The following KPNA4 variants were observed in gnomAD, a reference collection of about 807,000 sequenced individuals.
KPNA4 encodes karyopherin subunit alpha 4, also known as importin subunit alpha-3.
KPNA4 carries 13 observed loss-of-function variants against 71.3 expected under a neutral mutation model. The observed-to-expected ratio is 0.18, with a 90% CI of 0.12 to 0.29. The LOEUF (loss-of-function observed/expected upper bound fraction) is 0.29, where lower values mean the gene tolerates loss of function less well. Among genes scored for constraint, KPNA4 ranks in the 10% least tolerant of loss-of-function variants. The pLI is 1.00. For synonymous variants in KPNA4, 189 were observed against 195.2 expected (o/e 0.97, Z 0.26); for missense variants, 334 against 603.2 (o/e 0.55, Z 4.67).
At chr3:160,523,432 A>AT (rs1372868775) in intron 10 of KPNA4, among the ~76,000 whole-genome samples, 1 of 152,246 alleles carries the variant, frequency 6.6e-6, no homozygotes. Flanking sequence ...AAAAAATAAG[A>AT]TAAAAAAAAC....
chr3:160,525,546 A>G (rs1433600637), intron 10 of KPNA4, among the ~76,000 whole-genome samples: 1 of 152,138 alleles, frequency 6.6e-6, no homozygotes, highest in African/African-American at 2.4e-5. Flanking sequence ...CATACATACA[A>G]TATTGTCCAC....
intron 5 of KPNA4, among the ~76,000 whole-genome samples, chr3:160,533,695 G>A (rs1193528170): frequency 6.6e-6 from 1 of 152,110 alleles, no homozygotes; most frequent in African/African-American, 2.4e-5. Flanking sequence ...TTTACTCACA[G>A]TTGCTTTGCA....
At chr3:160,559,994 G>C (rs1324010592) in intron 1 of KPNA4, among the ~76,000 whole-genome samples, 1 of 152,024 alleles carries the variant, frequency 6.6e-6, no homozygotes, top group Non-Finnish European at 1.5e-5. Context: ...GAAAAGCACA[G>C]AAAACAAACT....
chr3:160,548,039 T>C (rs938495146), intron 1 of KPNA4, among the ~76,000 whole-genome samples: 2 of 152,174 alleles, frequency 1.3e-5, no homozygotes, highest in African/African-American at 4.8e-5. Flanking sequence ...TTGAACTCAT[T>C]TGGTTAATTA....
chr3:160,539,087 T>C (rs1721745456), intron 1 of KPNA4, among the ~76,000 whole-genome samples: 1 of 152,196 alleles, frequency 6.6e-6, no homozygotes, highest in South Asian at 2.1e-4. Flanking sequence ...GCTCTTCCCC[T>C]ACTACCTGCA....
Position 160,541,375 on chromosome 3 carries a change from G to A in KPNA4, c.70-4535C>T, listed in dbSNP as rs540538086. Among the ~76,000 whole-genome samples, 2 of 151,850 alleles carry A rather than the reference G, an allele frequency of 1.3e-5. 1 individual carries two copies. The highest frequency in any genetic ancestry group is 4.2e-4 in the South Asian group (2 of 4,808). On this transcript the variant is annotated intron_variant, in intron 1 of 16. Coordinates refer to ENST00000334256, the MANE Select transcript of KPNA4 (RefSeq NM_002268.5). ...ATAATACAAAGATAAGAAATACAAT[G>A]TCTTCATTTTATTTCACCCAGCCTG...
At chr3:160,556,080 G>A (rs967019532) in intron 1 of KPNA4, among the ~76,000 whole-genome samples, 5 of 152,174 alleles carry the variant, frequency 3.3e-5, no homozygotes, top group African/African-American at 4.8e-5. Context: ...GATCCGGCCC[G>A]CCTTGGCCTC....
At chr3:160,557,972 G>A (rs557884644) in intron 1 of KPNA4, among the ~76,000 whole-genome samples, 1 of 152,190 alleles carries the variant, frequency 6.6e-6, no homozygotes, top group Non-Finnish European at 1.5e-5. Flanking sequence ...ATGAGCCACT[G>A]TGCCTGGGAA....
Position 160,545,421 on chromosome 3 carries a change from G to A in KPNA4, c.70-8581C>T, listed in dbSNP as rs77085434. ...AAATGACAAAATCTCTGTCTTCATGGCATTTATTGCATTTTAGTGTGAAAG... is the reference window on the plus strand; with the variant it reads ...AAATGACAAAATCTCTGTCTTCATGACATTTATTGCATTTTAGTGTGAAAG... On this transcript the variant is annotated intron_variant, in intron 1 of 16. Transcript: ENST00000334256. 2.0e-3 allele frequency among the ~76,000 whole-genome samples: 309 copies of A among 152,276 alleles called. 2 individuals carry two copies. The highest frequency in any genetic ancestry group is 2.8e-3 in the Non-Finnish European group (193 of 68,030).
chr3:160,511,715 TA>T (rs1721098297), intron 13 of KPNA4, among the ~76,000 whole-genome samples: 1 of 44,232 alleles, frequency 2.3e-5, no homozygotes, highest in Non-Finnish European at 6.6e-5. Flanking sequence ...TTGTTATTTT[TA>T]TATATATATA....
intron 1 of KPNA4, among the ~76,000 whole-genome samples, chr3:160,537,883 G>T (rs1374299531): frequency 6.6e-6 from 1 of 151,644 alleles, no homozygotes; most frequent in Non-Finnish European, 1.5e-5. Context: ...ACTATTCTGG[G>T]CCAACGTACC....
chr3:160,558,092 GATTAT>G (rs1722176200), intron 1 of KPNA4, among the ~76,000 whole-genome samples: 1 of 152,116 alleles, frequency 6.6e-6, no homozygotes, highest in South Asian at 2.1e-4. Flanking sequence ...GTTGTTTTCT[GATTAT>G]ATTTACAATG....
Position 160,535,900 on chromosome 3 carries a change from TAAAAAA to T in KPNA4, c.115-9_115-4del, listed in dbSNP as rs71628425. The T allele has an allele frequency of 2.5e-5, 8 of 324,036 alleles. No homozygotes were observed. Among genetic ancestry groups the T allele is most frequent in the East Asian group, 7.2e-5 (1 of 13,892 alleles). The allele number at this position is 324,036 out of a possible 1,614,324, so 20.1% of individuals were successfully genotyped here. On this transcript the variant is annotated splice_polypyrimidine_tract_variant and splice_region_variant and intron_variant, in intron 2 of 16. Coordinates refer to ENST00000334256, the MANE Select transcript of KPNA4 (RefSeq NM_002268.5). Reference sequence around the variant, plus strand: ...AAGAGATGTTCATCTCTTTTATTCTTAAAAAAAAAAAAAAAAAAAAAAAAACCAAAC... The same window carrying T: ...AAGAGATGTTCATCTCTTTTATTCTTAAAAAAAAAAAAAAAAAAACCAAAC...
chr3:160,560,907 A>T (rs1272389275), intron 1 of KPNA4, among the ~76,000 whole-genome samples: 1 of 152,072 alleles, frequency 6.6e-6, no homozygotes, highest in Non-Finnish European at 1.5e-5. Context: ...ATGTTCCAAG[A>T]TTTGTGGTGA....
chr3:160,504,728 C>T (rs1054718848), intron 16 of KPNA4, among the ~76,000 whole-genome samples: 1 of 152,032 alleles, frequency 6.6e-6, no homozygotes, highest in Non-Finnish European at 1.5e-5. Context: ...TGACTCATCT[C>T]GTTTGGTCAA....
At chr3:160,512,241 G>T (rs955240096) in intron 13 of KPNA4, among the ~76,000 whole-genome samples, 6 of 152,020 alleles carry the variant, frequency 3.9e-5, no homozygotes, top group Non-Finnish European at 7.4e-5. Flanking sequence ...ATAGGCCTGG[G>T]AATCATGTCA....
chr3:160,536,024 A>C (rs1721686414), intron 2 of KPNA4, 127 bp from the exon 3 acceptor site: 1 of 735,718 alleles, frequency 1.4e-6, no homozygotes, highest in East Asian at 3.4e-5. Flanking sequence ...TGCCTTTTAA[A>C]AGTAAAATTC....
chr3:160,531,572 A>C lies in KPNA4; in HGVS notation c.288-15T>G. ...ACAAAAGCTTCCTGTAAGAGATAAAAACACTCCTGTGAAACTTAATAACAT... is the reference window on the plus strand; with the variant it reads ...ACAAAAGCTTCCTGTAAGAGATAAACACACTCCTGTGAAACTTAATAACAT... On this transcript the variant is annotated splice_polypyrimidine_tract_variant and intron_variant, in intron 5 of 16. Coordinates refer to ENST00000334256, the MANE Select transcript of KPNA4 (RefSeq NM_002268.5). The C allele has an allele frequency of 7.3e-7, 1 of 1,370,768 alleles. No individual in the cohort carries two copies. The highest frequency in any genetic ancestry group is 1.0e-6 in the Non-Finnish European group (1 of 988,974). The allele number at this position is 1,370,768 out of a possible 1,614,324, so 84.9% of individuals were successfully genotyped here. A position where few individuals can be genotyped will look rare whatever the true frequency, so the allele number is the denominator to read the frequency against.
rs373354463 is a variant in KPNA4, at chr3:160,495,847, T to C, written c.*6257A>G. 15 of 151,232 alleles carry C rather than the reference T, an allele frequency of 9.9e-5. No homozygotes were observed. The East Asian group carries it at 2.7e-3, about 27-fold the overall frequency. 9.4% of individuals were successfully genotyped at this position (151,232 alleles called of 1,614,324 possible). Reference sequence around the variant, plus strand: ...AACCCTGAAAAGACAAGAATTATGGTAATACCAAAGTGACTAAGGTTGTCT... The same window carrying C: ...AACCCTGAAAAGACAAGAATTATGGCAATACCAAAGTGACTAAGGTTGTCT... On this transcript the variant is annotated 3_prime_UTR_variant, in exon 17 of 17. Transcript: ENST00000334256.
Sources: allele counts gnomAD v4.1 joint callset (sites outside exome capture counted in the v4.1 genomes callset), GRCh38; gene constraint gnomAD v4.1.1; transcripts MANE v1.5; gene names NCBI Gene and HGNC (gene_info 2026-07-23, HGNC 2026-07-21).